The following IGF1R variants were observed in gnomAD, a reference collection of about 807,000 sequenced individuals.
IGF1R encodes the protein insulin-like growth factor 1 receptor.
IGF1R carries 44 observed loss-of-function variants against 144.6 expected under a neutral mutation model. That is an observed-to-expected ratio of 0.30 (90% CI 0.24 to 0.39). The LOEUF is 0.39. Among genes scored for constraint, IGF1R ranks in the 10% least tolerant of loss-of-function variants. IGF1R has a pLI of 1.00. For synonymous variants in IGF1R, 795 were observed against 722.8 expected (o/e 1.10, Z -1.60); for missense variants, 1,355 against 1,833.7 (o/e 0.74, Z 4.77).
At chr15:98,894,434 G>A (rs1000092452) in intron 3 of IGF1R, among the ~76,000 whole-genome samples, 4 of 152,158 alleles carry the variant, frequency 2.6e-5, no homozygotes, top group Non-Finnish European at 5.9e-5. Context: ...TCCTATGATA[G>A]ATAGTTAGTT....
At chr15:98,672,465 G>C (rs2052919326) in intron 1 of IGF1R, among the ~76,000 whole-genome samples, 1 of 151,834 alleles carries the variant, frequency 6.6e-6, no homozygotes, top group South Asian at 2.1e-4. Flanking sequence ...AGCTACTCGG[G>C]AGGCTGAGGT....
intron 2 of IGF1R, among the ~76,000 whole-genome samples, chr15:98,775,138 C>G (rs139145418): frequency 4.5e-4 from 69 of 152,280 alleles, no homozygotes; most frequent in African/African-American, 1.6e-3. Flanking sequence ...TTGCTGGTTC[C>G]AGGCCCCTGG....
chr15:98,936,456 C>G (rs2016152466), intron 17 of IGF1R, among the ~76,000 whole-genome samples: 1 of 152,132 alleles, frequency 6.6e-6, no homozygotes, highest in Admixed American at 6.6e-5. Context: ...CCAGCAAGAA[C>G]TGAGTTTTCA....
chr15:98,757,119 A>G (rs2055174778), intron 2 of IGF1R, among the ~76,000 whole-genome samples: 1 of 152,150 alleles, frequency 6.6e-6, no homozygotes, highest in African/African-American at 2.4e-5. Context: ...TTCCAAATTC[A>G]TGTATGTTTT....
intron 2 of IGF1R, among the ~76,000 whole-genome samples, chr15:98,751,859 T>C (rs989702117): frequency 2.0e-5 from 3 of 152,186 alleles, no homozygotes; most frequent in Non-Finnish European, 4.4e-5. Context: ...CATAATTGTT[T>C]GGATATATGC....
intron 2 of IGF1R, among the ~76,000 whole-genome samples, chr15:98,863,202 G>T (rs2012253918): frequency 6.6e-6 from 1 of 152,096 alleles, no homozygotes; most frequent in Non-Finnish European, 1.5e-5. Context: ...TTAAATTTGG[G>T]GGGTACATTT....
At chr15:98,697,883 G>T (rs1027157074) in intron 1 of IGF1R, among the ~76,000 whole-genome samples, 2 of 145,938 alleles carry the variant, frequency 1.4e-5, no homozygotes, top group Non-Finnish European at 3.0e-5. Context: ...AATTACACGC[G>T]CCCGCCACCA....
At chr15:98,827,986 C>G (rs1027734429) in intron 2 of IGF1R, among the ~76,000 whole-genome samples, 1 of 152,174 alleles carries the variant, frequency 6.6e-6, no homozygotes, top group African/African-American at 2.4e-5. Flanking sequence ...ATTAATCAGT[C>G]AGATAGTGAG....
chr15:98,712,636 T>C (rs2054019703), intron 2 of IGF1R, among the ~76,000 whole-genome samples: 1 of 147,518 alleles, frequency 6.8e-6, no homozygotes, highest in African/African-American at 2.5e-5. Context: ...GGAGAAAGAG[T>C]CTTACTCTGT....
At chr15:98,853,764 C>A (rs778181458) in intron 2 of IGF1R, among the ~76,000 whole-genome samples, 1 of 152,204 alleles carries the variant, frequency 6.6e-6, no homozygotes, top group Non-Finnish European at 1.5e-5. Context: ...CGTCTCAGCC[C>A]CTGCGGCCCC....
chr15:98,650,992 A>G lies in IGF1R; in HGVS notation c.94+1317A>G, dbSNP rs1476608301. On this transcript the variant is annotated intron_variant, in intron 1 of 20. Transcript: ENST00000650285. ...TCTGAAAAAGTTGAAAGTGTGGCTT[A>G]CTGGTACATTCAAGATGGTAGGGTA... The G allele has an allele frequency of 3.0e-6, 3 of 985,146 alleles. No homozygotes were observed. In the African/African-American group the frequency reaches 5.2e-5, roughly 17 times the overall value. The allele number at this position is 985,146 out of a possible 1,614,324, so 61.0% of individuals were successfully genotyped here.
intron 2 of IGF1R, among the ~76,000 whole-genome samples, chr15:98,865,986 A>G (rs2012420045): frequency 6.6e-6 from 1 of 152,220 alleles, no homozygotes; most frequent in Non-Finnish European, 1.5e-5. Flanking sequence ...GGAGGCTCCC[A>G]GAGTAGATAC....
chr15:98,908,685 G>A lies in IGF1R; in HGVS notation c.1248G>A (p.Gly416=), dbSNP rs1437874426. ...CTAACATCGATTTCTGTGCTTCTAG[G>A]AATTACTCCTTCTACGTCCTCGACA... The part of the protein sequence containing the change: ...RLILGEEQLE[G]NYSFYVLDNQ... Residue 416 remains glycine (G), a splice_region_variant and synonymous_variant, in exon 6 of 21, where the codon GGG becomes GGA. Transcript: ENST00000650285. 3 of 1,613,376 alleles carry A rather than the reference G, an allele frequency of 1.9e-6. No individual in the cohort carries two copies. The East Asian group carries it at 6.7e-5, about 36-fold the overall frequency.
rs185022945 is a variant in IGF1R at position 98,842,450 on chromosome 15, G to A, written c.641-48875G>A. Among the ~76,000 whole-genome samples, 14 of 152,270 alleles carry A rather than the reference G, an allele frequency of 9.2e-5. No homozygotes were observed. In the East Asian group the frequency reaches 2.5e-3, roughly 27 times the overall value. On this transcript the variant is annotated intron_variant, in intron 2 of 20. Transcript: ENST00000650285. ...AGTTTTGAAATGAGGACAGGGAAAGGCTTTGTTTACCTGGGGCTCTAGACT... is the reference window on the plus strand; with the variant it reads ...AGTTTTGAAATGAGGACAGGGAAAGACTTTGTTTACCTGGGGCTCTAGACT...
Position 98,964,234 on chromosome 15 carries a change from AAG to A in IGF1R, c.*6793_*6794del, listed in dbSNP as rs2017339105. ...AAAATTTTTTTAAGTAAGAAAAAAA[AAG>A]GTAATAACATGGCCAATTTGTTACA... On this transcript the variant is annotated 3_prime_UTR_variant, in exon 21 of 21. Transcript: ENST00000650285. 8.6e-6 allele frequency: 2 copies of A among 232,700 alleles called. No individual in the cohort carries two copies. The highest frequency in any genetic ancestry group is 2.2e-5 in the African/African-American group (1 of 45,286). The allele number at this position is 232,700 out of a possible 1,614,324, so 14.4% of individuals were successfully genotyped here.
chr15:98,686,552 TTTTA>T (rs1286707249), intron 1 of IGF1R, among the ~76,000 whole-genome samples: 6 of 152,344 alleles, frequency 3.9e-5, no homozygotes, highest in Admixed American at 2.6e-4. Flanking sequence ...CAACGTTTAT[TTTTA>T]TTTATTTTTT....
chr15:98,754,650 A>C (rs571896839), intron 2 of IGF1R, among the ~76,000 whole-genome samples: 23 of 152,296 alleles, frequency 1.5e-4, no homozygotes, highest in Non-Finnish European at 1.3e-4. Flanking sequence ...AACCACAGGG[A>C]GGGAAGTTTT....
intron 2 of IGF1R, among the ~76,000 whole-genome samples, chr15:98,789,757 G>C (rs1380931731): frequency 6.6e-6 from 1 of 152,148 alleles, no homozygotes; most frequent in Non-Finnish European, 1.5e-5. Context: ...CTTAAACTCT[G>C]TGACAGTGGA....
At chr15:98,896,978 G>A (rs189841606) in intron 4 of IGF1R, 73 bp downstream of exon 4, 126 of 1,434,364 alleles carry the variant, frequency 8.8e-5, no homozygotes, top group Non-Finnish European at 1.2e-4. Flanking sequence ...TCATGCTCCC[G>A]TCCCTGAGTC....
Sources: allele counts gnomAD v4.1 joint callset (sites outside exome capture counted in the v4.1 genomes callset), GRCh38; gene constraint gnomAD v4.1.1; transcripts MANE v1.5; gene names NCBI Gene and HGNC (gene_info 2026-07-23, HGNC 2026-07-21).